The following METTL15 variants were observed in gnomAD, a reference collection of about 807,000 sequenced individuals.
The protein encoded by METTL15 is methyltransferase 15, mitochondrial 12S rRNA N4-cytidine, also known as 12S rRNA N(4)-cytidine methyltransferase METTL15.
A neutral mutation model predicts 38.3 loss-of-function variants in METTL15; 34 were observed. That is an observed-to-expected ratio of 0.89 (90% CI 0.68 to 1.18). METTL15 has a LOEUF of 1.18. METTL15 is among the 50% of genes most tolerant of loss of function. The pLI, the probability that METTL15 is intolerant of heterozygous loss-of-function variation, is 0.00. For synonymous variants in METTL15, 162 were observed against 170.9 expected, an observed-to-expected ratio of 0.95 and a Z score of 0.41; for missense variants, 438 against 498.4, an observed-to-expected ratio of 0.88 and a Z score of 1.15.
intron 3 of METTL15, among the ~76,000 whole-genome samples, chr11:28,206,371 T>C (rs1412698921): frequency 1.3e-5 from 2 of 152,178 alleles, no homozygotes; most frequent in African/African-American, 4.8e-5. Flanking sequence ...GGGAATCCTT[T>C]CCCCATTTCT....
downstream of METTL15, among the ~76,000 whole-genome samples, chr11:28,527,393 G>T (rs1349097584): frequency 2.0e-5 from 3 of 152,258 alleles, no homozygotes; most frequent in African/African-American, 7.2e-5. Flanking sequence ...TAGCTACTTT[G>T]TAATATGACA....
intron 6 of METTL15, among the ~76,000 whole-genome samples, chr11:28,299,022 A>G (rs967809698): frequency 2.6e-5 from 4 of 152,160 alleles, no homozygotes; most frequent in African/African-American, 9.6e-5. Context: ...GAGTGAAAAC[A>G]TCATATAATA....
At chr11:28,488,832 C>A (rs1469184446) in intron 6 of METTL15, among the ~76,000 whole-genome samples, 1 of 152,030 alleles carries the variant, frequency 6.6e-6, no homozygotes, top group Non-Finnish European at 1.5e-5. Flanking sequence ...CCTCTTTATT[C>A]CATCTCTTCC....
chr11:28,469,030 G>T (rs545326112), intron 6 of METTL15, among the ~76,000 whole-genome samples: 2 of 152,136 alleles, frequency 1.3e-5, no homozygotes, highest in Non-Finnish European at 2.9e-5. Context: ...TTAAAAGAAT[G>T]ATGTAGCAGA....
chr11:28,207,815 ACTT>A (rs1326792319), intron 3 of METTL15, among the ~76,000 whole-genome samples: 2 of 152,008 alleles, frequency 1.3e-5, no homozygotes, highest in African/African-American at 4.8e-5. Context: ...CAGAGATTCA[ACTT>A]CTTCCTGGTT....
At chr11:28,111,050 A>G (rs1851695983) in intron 2 of METTL15, among the ~76,000 whole-genome samples, 1 of 152,178 alleles carries the variant, frequency 6.6e-6, no homozygotes, top group African/African-American at 2.4e-5. Flanking sequence ...AATTTTCTTT[A>G]GAGCATGCCA....
At chr11:28,487,794 C>A (rs1851450542) in intron 6 of METTL15, among the ~76,000 whole-genome samples, 1 of 152,130 alleles carries the variant, frequency 6.6e-6, no homozygotes, top group Non-Finnish European at 1.5e-5. Context: ...CTTTCCTTGG[C>A]CATCTGTGGC....
At chr11:28,195,485 C>A (rs745393983) in intron 3 of METTL15, among the ~76,000 whole-genome samples, 1 of 151,438 alleles carries the variant, frequency 6.6e-6, no homozygotes, top group Non-Finnish European at 1.5e-5. Flanking sequence ...GCATTTTTTT[C>A]TATGTTTGGC....
chr11:28,448,892 T>A (rs1590378559), intron 6 of METTL15, among the ~76,000 whole-genome samples: 1 of 152,170 alleles, frequency 6.6e-6, no homozygotes, highest in Non-Finnish European at 1.5e-5. Flanking sequence ...GAGGTTAAGA[T>A]CATGACACAG....
chr11:28,391,853 A>G (rs1163338072), intron 5 of METTL15, among the ~76,000 whole-genome samples: 3 of 152,240 alleles, frequency 2.0e-5, no homozygotes, highest in South Asian at 2.1e-4. Context: ...ACCTGAAACC[A>G]TAAAAACCCT....
At chr11:28,369,131 C>T (rs925419388) in intron 5 of METTL15, among the ~76,000 whole-genome samples, 5 of 151,860 alleles carry the variant, frequency 3.3e-5, no homozygotes, top group African/African-American at 7.3e-5. Context: ...TGCACATGTA[C>T]CCCAGAACTT....
chr11:28,158,867 C>G (rs1471535388), intron 3 of METTL15, among the ~76,000 whole-genome samples: 1 of 152,126 alleles, frequency 6.6e-6, no homozygotes, highest in Non-Finnish European at 1.5e-5. Flanking sequence ...AACTAGGTGA[C>G]AATCCTTTGC....
chr11:28,161,011 TGAAA>T (rs1467155658), intron 3 of METTL15, among the ~76,000 whole-genome samples: 2 of 151,268 alleles, frequency 1.3e-5, no homozygotes, highest in African/African-American at 4.8e-5. Flanking sequence ...TAGCTGTAAT[TGAAA>T]GAAATAAAAG....
At chr11:28,204,789 AT>A (rs1590153379) in intron 3 of METTL15, among the ~76,000 whole-genome samples, 1 of 151,960 alleles carries the variant, frequency 6.6e-6, no homozygotes, top group Non-Finnish European at 1.5e-5. Flanking sequence ...GGTACTTTTT[AT>A]TCCCATTTAT....
intron 3 of METTL15, among the ~76,000 whole-genome samples, chr11:28,168,258 A>G (rs192414609): frequency 2.2e-4 from 34 of 152,080 alleles, no homozygotes; most frequent in African/African-American, 7.9e-4. Flanking sequence ...GAGGAAACTC[A>G]CAGTCCAGTG....
At chr11:28,375,761 G>A (rs80277274) in intron 5 of METTL15, among the ~76,000 whole-genome samples, 2 of 151,324 alleles carry the variant, frequency 1.3e-5, no homozygotes, top group South Asian at 2.1e-4. Flanking sequence ...GTGATGTTAG[G>A]GTGTCAATTT....
intron 3 of METTL15, among the ~76,000 whole-genome samples, chr11:28,192,378 C>T (rs570416202): frequency 6.6e-6 from 1 of 150,978 alleles, no homozygotes; most frequent in South Asian, 2.1e-4. Context: ...GGGATTAGCC[C>T]CACTTGACCA....
intron 3 of METTL15, among the ~76,000 whole-genome samples, chr11:28,204,677 G>A (rs1852249550): frequency 6.6e-6 from 1 of 151,776 alleles, no homozygotes; most frequent in Non-Finnish European, 1.5e-5. Context: ...GTTTAGTGCA[G>A]TCTTAGTTTG....
intron 6 of METTL15, among the ~76,000 whole-genome samples, chr11:28,439,863 G>A (rs1476391106): frequency 6.6e-6 from 1 of 152,220 alleles, no homozygotes; most frequent in Admixed American, 6.5e-5. Flanking sequence ...AGCAGAGCAT[G>A]TAGGTTCATT....
Sources: gnomAD v4.1 joint callset for allele counts (sites outside exome capture counted in the v4.1 genomes callset) on GRCh38, gnomAD v4.1.1 for gene constraint, MANE v1.5 for transcripts, NCBI Gene and HGNC (gene_info 2026-07-23, HGNC 2026-07-21) for gene names.